ACSS3: variants seen among roughly 807,000 people sequenced by gnomAD.
The protein encoded by ACSS3 is acyl-CoA synthetase short chain family member 3.
In ACSS3, 64 loss-of-function variants were observed where a neutral mutation model predicts 84.2. The ratio of observed to expected loss-of-function variants is 0.76; its 90% confidence interval spans 0.62 to 0.94. ACSS3 has a LOEUF of 0.94. Among genes scored for constraint, ACSS3 ranks in the 40% least tolerant of loss-of-function variants. The pLI is 0.00. For missense variants in ACSS3, 815 were observed against 867.6 expected (o/e 0.94, Z 0.76); for synonymous variants, 317 against 310.1 (o/e 1.02, Z -0.23).
Position 81,253,500 on chromosome 12 carries a change from A to G in ACSS3, c.1825A>G (p.Asn609Asp), listed in dbSNP as rs1401006173. The change falls in exon 15 of 16, where the codon AAT (asparagine) becomes GAT (aspartate). Residue 609 changes from asparagine to aspartate, a missense_variant. Coordinates refer to ENST00000548058, the MANE Select transcript of ACSS3 (RefSeq NM_024560.4). ...CATCTGAACTTTCTCTCTAGATATA[A>G]ATGCAACAGAGGAGCAAGTTTTGGA... Reference protein sequence around the residue: ...LALCVLRKDINATEEQVLEEI... With the variant: ...LALCVLRKDIDATEEQVLEEI... The G allele has an allele frequency of 6.2e-7, 1 of 1,613,670 alleles. No individual in the cohort carries two copies. The highest frequency in any genetic ancestry group is 8.5e-7 in the Non-Finnish European group (1 of 1,179,696).
chr12:81,130,136 TA>T (rs1032543392), intron 2 of ACSS3, among the ~76,000 whole-genome samples: 1 of 152,240 alleles, frequency 6.6e-6, no homozygotes, highest in Non-Finnish European at 1.5e-5. Flanking sequence ...TTTGGGTATA[TA>T]CCCAGTAATG....
intron 13 of ACSS3, among the ~76,000 whole-genome samples, chr12:81,242,337 A>G (rs1256006896): frequency 6.6e-6 from 1 of 152,142 alleles, no homozygotes; most frequent in Non-Finnish European, 1.5e-5. Context: ...ATAGACCAAT[A>G]ACAGGAGCTG....
chr12:81,097,537 T>C (rs1488671104), intron 1 of ACSS3, among the ~76,000 whole-genome samples: 1 of 152,192 alleles, frequency 6.6e-6, no homozygotes, highest in Non-Finnish European at 1.5e-5. Flanking sequence ...TCCATCTTTG[T>C]TATCACAACA....
intron 3 of ACSS3, among the ~76,000 whole-genome samples, chr12:81,138,017 G>T (rs1352508043): frequency 6.6e-6 from 1 of 151,920 alleles, no homozygotes; most frequent in Non-Finnish European, 1.5e-5. Context: ...TCTGTTCCAT[G>T]AATATTAAAT....
chr12:81,170,726 G>A (rs1354174752), intron 7 of ACSS3, among the ~76,000 whole-genome samples: 1 of 151,914 alleles, frequency 6.6e-6, no homozygotes, highest in Non-Finnish European at 1.5e-5. Flanking sequence ...ATATTGTCTG[G>A]GTTATTTCCC....
At chr12:81,160,134 C>T (rs975549223) in intron 7 of ACSS3, among the ~76,000 whole-genome samples, 6 of 152,144 alleles carry the variant, frequency 3.9e-5, no homozygotes, top group East Asian at 1.9e-4. Context: ...TCCTTAAATC[C>T]GGCTTTAGAG....
chr12:81,169,450 T>G (rs187854420), intron 7 of ACSS3, among the ~76,000 whole-genome samples: 8 of 152,162 alleles, frequency 5.3e-5, no homozygotes, highest in Non-Finnish European at 1.0e-4. Flanking sequence ...AAAAGGCCCA[T>G]TTTTGAAGAG....
chr12:81,183,027 G>T (rs1241084999), intron 8 of ACSS3, among the ~76,000 whole-genome samples: 1 of 152,148 alleles, frequency 6.6e-6, no homozygotes, highest in Non-Finnish European at 1.5e-5. Context: ...AAAGGGTCCA[G>T]CTGCTCACTG....
intron 7 of ACSS3, among the ~76,000 whole-genome samples, chr12:81,161,277 T>G (rs1451494013): frequency 2.0e-5 from 3 of 152,180 alleles, no homozygotes; most frequent in Admixed American, 6.5e-5. Context: ...ATGTGTTGAT[T>G]CAGCTACTAC....
At chr12:81,138,691 G>T (rs1027416503) in intron 3 of ACSS3, among the ~76,000 whole-genome samples, 13 of 151,958 alleles carry the variant, frequency 8.6e-5, no homozygotes, top group African/African-American at 2.7e-4. Flanking sequence ...TGGAGATTTG[G>T]GTCTTTTTCT....
At chr12:81,099,488 C>T (rs1283390735) in intron 1 of ACSS3, among the ~76,000 whole-genome samples, 1 of 152,114 alleles carries the variant, frequency 6.6e-6, no homozygotes, top group Non-Finnish European at 1.5e-5. Context: ...AAGCTTTCAA[C>T]AGTTATTTCA....
chr12:81,249,422 T>G (rs1366909471), intron 13 of ACSS3, among the ~76,000 whole-genome samples: 1 of 152,084 alleles, frequency 6.6e-6, no homozygotes, highest in Non-Finnish European at 1.5e-5. Context: ...GGAAATCTGG[T>G]GTTAACATAC....
chr12:81,117,452 G>A (rs1012172270), intron 2 of ACSS3, among the ~76,000 whole-genome samples: 20 of 152,202 alleles, frequency 1.3e-4, no homozygotes, highest in African/African-American at 4.8e-4. Context: ...AATGACATTT[G>A]AGCATAGACT....
At chr12:81,192,386 A>G (rs1325198552) in intron 8 of ACSS3, among the ~76,000 whole-genome samples, 2 of 152,038 alleles carry the variant, frequency 1.3e-5, no homozygotes, top group African/African-American at 4.8e-5. Flanking sequence ...TCTCAGGAAA[A>G]AAGCAAACAA....
At chr12:81,098,129 T>TGA (rs769661021) in intron 1 of ACSS3, among the ~76,000 whole-genome samples, 4,639 of 134,962 alleles carry the variant, frequency 0.034, 270 homozygotes, top group African/African-American at 0.12. Context: ...GGTCCCAGTA[T>TGA]GAGAGAGAGA....
chr12:81,150,827 G>A (rs985487360), intron 5 of ACSS3, among the ~76,000 whole-genome samples: 2 of 152,152 alleles, frequency 1.3e-5, no homozygotes, highest in Non-Finnish European at 2.9e-5. Context: ...ATGCTAAAAA[G>A]CATAACTAAT....
intron 3 of ACSS3, among the ~76,000 whole-genome samples, chr12:81,137,337 A>T (rs1254463185): frequency 2.6e-5 from 4 of 151,238 alleles, no homozygotes; most frequent in African/African-American, 9.7e-5. Flanking sequence ...ACACACACAC[A>T]CACACACACA....
chr12:81,149,024 G>C (rs1361597027), intron 5 of ACSS3, among the ~76,000 whole-genome samples: 1 of 151,806 alleles, frequency 6.6e-6, no homozygotes, highest in African/African-American at 2.4e-5. Context: ...AGGTTGTAGT[G>C]AGCAAGATCG....
At chr12:81,235,332 C>G (rs1403474646) in intron 13 of ACSS3, among the ~76,000 whole-genome samples, 1 of 150,730 alleles carries the variant, frequency 6.6e-6, no homozygotes, top group Non-Finnish European at 1.5e-5. Flanking sequence ...TTATGTAGAT[C>G]AATATAATTG....
Sources: allele counts gnomAD v4.1 joint callset (sites outside exome capture counted in the v4.1 genomes callset), GRCh38; gene constraint gnomAD v4.1.1; transcripts MANE v1.5; gene names NCBI Gene and HGNC (gene_info 2026-07-23, HGNC 2026-07-21).